Variants in AMY2B observed in about 807,000 individuals in gnomAD.
AMY2B encodes amylase alpha 2B.
Under a neutral mutation model 59.3 loss-of-function variants are expected in AMY2B, and 63 were observed. That is an observed-to-expected ratio of 1.06 (90% CI 0.87 to 1.31). The LOEUF is 1.31. Among genes scored for constraint, AMY2B ranks in the 50% most tolerant of loss-of-function variants. The pLI is 0.00. For synonymous variants in AMY2B, 180 were observed against 198.1 expected, an observed-to-expected ratio of 0.91 and a Z score of 0.77; for missense variants, 635 against 626.7, an observed-to-expected ratio of 1.01 and a Z score of -0.14.
chr1:103,575,058 A>T (rs200311244), intron 5 of AMY2B, among the ~76,000 whole-genome samples, 165 bp from the exon 6 acceptor site: 3 of 86,480 alleles, frequency 3.5e-5, no homozygotes, highest in African/African-American at 1.0e-4. Context: ...GTGTGTGTGT[A>T]TGTATATATA....
chr1:103,563,163 T>C (rs1651790610), intron 1 of AMY2B, among the ~76,000 whole-genome samples: 1 of 152,084 alleles, frequency 6.6e-6, no homozygotes, highest in Non-Finnish European at 1.5e-5. Flanking sequence ...ACTCCAAATA[T>C]AAATCTTTAG....
chr1:103,575,651 A>G, intron 7 of AMY2B, 111 bp downstream of exon 7: 3 of 1,483,568 alleles, frequency 2.0e-6, no homozygotes, highest in Non-Finnish European at 2.7e-6. Context: ...ATTGATTAGA[A>G]ACCTGATATA....
At chr1:103,575,575 C>T in intron 7 of AMY2B, 35 bp downstream of exon 7, 2 of 1,609,472 alleles carry the variant, frequency 1.2e-6, no homozygotes, top group South Asian at 1.1e-5. Context: ...ATCCTTTTCT[C>T]AAGAAACAGA....
At chr1:103,557,751 TAAG>T (rs1651607264) in intron 1 of AMY2B, among the ~76,000 whole-genome samples, 1 of 152,112 alleles carries the variant, frequency 6.6e-6, no homozygotes, top group African/African-American at 2.4e-5. Context: ...ATCCAAAATT[TAAG>T]AAGATGTGAG....
At chr1:103,559,101 A>G (rs1237014388) in intron 1 of AMY2B, among the ~76,000 whole-genome samples, 1 of 152,148 alleles carries the variant, frequency 6.6e-6, no homozygotes, top group Non-Finnish European at 1.5e-5. Context: ...TTCCTCATGG[A>G]TATGGAGGGA....
chr1:103,555,304 A>G (rs1367377128), intron 1 of AMY2B: 2 of 151,576 alleles, frequency 1.3e-5, no homozygotes, highest in African/African-American at 4.8e-5. Flanking sequence ...TATAAAAAAT[A>G]TATATAATTT....
intron 6 of AMY2B, 27 bp from the exon 7 acceptor site, chr1:103,575,414 G>A (rs1478249586): frequency 2.5e-6 from 4 of 1,612,916 alleles, no homozygotes; most frequent in Non-Finnish European, 3.4e-6. Context: ...CTGATATTCT[G>A]TGATAATATA....
At chr1:103,578,853 A>G (rs1652464634) in intron 9 of AMY2B, among the ~76,000 whole-genome samples, 1 of 127,318 alleles carries the variant, frequency 7.9e-6, no homozygotes, top group South Asian at 3.0e-4. Context: ...TTTAAATTTT[A>G]GGGTACGGGG....
At chr1:103,569,396 T>TTGTGTGTG (rs58457409), upstream of AMY2B, 246 of 151,090 alleles carry the variant, frequency 1.6e-3, no homozygotes, top group Non-Finnish European at 2.3e-3. Flanking sequence ...TTATGTGGGT[T>TTGTGTGTG]TGTGTGTGTG....
upstream of AMY2B, chr1:103,568,185 T>C (rs959644241): frequency 2.0e-5 from 3 of 152,222 alleles, no homozygotes; most frequent in Admixed American, 1.3e-4. Flanking sequence ...TTTTTCATAA[T>C]TGTCTCCTGA....
chr1:103,561,436 T>C (rs1651730897), intron 1 of AMY2B, among the ~76,000 whole-genome samples: 2 of 151,986 alleles, frequency 1.3e-5, no homozygotes, highest in South Asian at 4.1e-4. Flanking sequence ...CCCAGCTAAT[T>C]TTTGTAGTTT....
Position 103,577,809 on chromosome 1 carries a change from G to C in AMY2B, c.1310G>C (p.Gly437Ala). Residue 437 changes from glycine to alanine, a missense_variant, in exon 9 of 10, where the codon GGA (glycine) becomes GCA (alanine). Transcript: ENST00000684275. The part of the protein sequence containing the change: ...NGSNQVAFGR[G>A]NRGFIVFNND... ...AGCAACCAAGTGGCTTTTGGGAGAG[G>C]AAACAGAGGATTCATTGTTTTCAAC... 1 of 1,605,248 alleles carries C rather than the reference G, an allele frequency of 6.2e-7. No homozygotes were observed. Among genetic ancestry groups the C allele is most frequent in the South Asian group, 1.1e-5 (1 of 90,988 alleles).
intron 1 of AMY2B, among the ~76,000 whole-genome samples, chr1:103,563,589 A>G (rs966448712): frequency 1.3e-5 from 2 of 152,128 alleles, no homozygotes; most frequent in African/African-American, 4.8e-5. Context: ...AGATCAAATG[A>G]GAAAATATAT....
intron 1 of AMY2B, among the ~76,000 whole-genome samples, chr1:103,558,286 G>T (rs916335545): frequency 2.0e-5 from 3 of 152,178 alleles, no homozygotes; most frequent in African/African-American, 7.2e-5. Flanking sequence ...TTGAACATGA[G>T]AAACTTGGTT....
intron 1 of AMY2B, 62 bp from the exon 2 acceptor site, chr1:103,572,048 T>A (rs1652154778): frequency 6.2e-7 from 1 of 1,606,542 alleles, no homozygotes; most frequent in African/African-American, 1.3e-5. Flanking sequence ...TTGATTAGTT[T>A]CTAGAACATT....
At chr1:103,576,916 C>G (rs947544703) in intron 7 of AMY2B, among the ~76,000 whole-genome samples, 2 of 152,156 alleles carry the variant, frequency 1.3e-5, no homozygotes, top group African/African-American at 4.8e-5. Flanking sequence ...ATTTCAATGA[C>G]ATTGCATGGC....
At chr1:103,560,940 C>T (rs1651710238) in intron 1 of AMY2B, among the ~76,000 whole-genome samples, 1 of 152,126 alleles carries the variant, frequency 6.6e-6, no homozygotes, top group Non-Finnish European at 1.5e-5. Flanking sequence ...TCAGTCCCAA[C>T]ATGTACTACA....
Position 103,574,379 on chromosome 1 carries a change from G to A in AMY2B, c.864G>A (p.Lys288=). Residue 288 remains lysine (K), a synonymous_variant, in exon 5 of 10, where the codon AAG becomes AAA. Transcript: ENST00000684275. ...TTATTCGCAAGTGGAATGGAGAGAA[G>A]ATGTCTTACCTAAAGTAAATAAATA... ...GTVIRKWNGE[K]MSYLKNWGEG... is the part of the protein sequence containing the mutation. 6.2e-7 allele frequency: 1 copy of A among 1,611,518 alleles called. No homozygotes were observed. The highest frequency in any genetic ancestry group is 1.1e-5 in the South Asian group (1 of 90,960).
chr1:103,573,903 T>C lies in AMY2B; in HGVS notation c.709T>C (p.Phe237Leu). Reference sequence around the variant, plus strand: ...ACTGCATAATCTAAACAGTAACTGGTTCCCTGCAGGAAGTAAACCTTTCAT... The same window carrying C: ...ACTGCATAATCTAAACAGTAACTGGCTCCCTGCAGGAAGTAAACCTTTCAT... Reference protein sequence around the residue: ...DKLHNLNSNWFPAGSKPFIYQ... With the variant: ...DKLHNLNSNWLPAGSKPFIYQ... Residue 237 changes from phenylalanine (F) to leucine (L), a missense_variant, in exon 4 of 10, where the codon TTC becomes CTC. Transcript: ENST00000684275. The C allele has an allele frequency of 6.2e-7, 1 of 1,613,782 alleles. No individual in the cohort carries two copies. The highest frequency in any genetic ancestry group is 8.5e-7 in the Non-Finnish European group (1 of 1,179,726).
Sources: allele counts gnomAD v4.1 joint callset (sites outside exome capture counted in the v4.1 genomes callset), GRCh38; gene constraint gnomAD v4.1.1; transcripts MANE v1.5; gene names NCBI Gene and HGNC (gene_info 2026-07-23, HGNC 2026-07-21).